Variants in FANCB observed in about 807,000 individuals in gnomAD.
FANCB encodes the protein Fanconi anemia group B protein.
FANCB carries 5 observed loss-of-function variants against 38.9 expected under a neutral mutation model. The observed-to-expected ratio is 0.13, with a 90% CI of 0.07 to 0.27. The LOEUF (loss-of-function observed/expected upper bound fraction) is 0.27. Among genes scored for constraint, FANCB ranks in the 10% least tolerant of loss-of-function variants. The pLI is 1.00. For synonymous variants in FANCB, 236 were observed against 215.4 expected, an observed-to-expected ratio of 1.10 and a Z score of -0.84; for missense variants, 573 against 602.7, an observed-to-expected ratio of 0.95 and a Z score of 0.52.
chrX:14,805,867 G>A, the FANCB span, among the ~76,000 whole-genome samples: 2 of 111,760 alleles, frequency 1.8e-5, no homozygotes, highest in Admixed American at 9.5e-5. Flanking sequence ...CAACATTCCT[G>A]TACTCACAAG....
chrX:14,869,289 T>C (rs1334917903), intron 1 of FANCB: 2 of 112,162 alleles, frequency 1.8e-5, no homozygotes, highest in African/African-American at 6.5e-5. Flanking sequence ...TAATGTTAAA[T>C]ATCACAACTA....
At chrX:14,731,380 C>T in the FANCB span, 1 of 111,809 alleles carries the variant, frequency 8.9e-6, no homozygotes, top group African/African-American at 3.3e-5. Context: ...AATCGCCCAA[C>T]TGTGACTAGT....
At chrX:14,730,529 CT>C in the FANCB span, 1 of 826,076 alleles carries the variant, frequency 1.2e-6, no homozygotes, top group Non-Finnish European at 1.7e-6. Context: ...CAGTGTTGTG[CT>C]TGTAAATACA....
the FANCB span, among the ~76,000 whole-genome samples, chrX:14,717,454 A>G: frequency 1.8e-5 from 2 of 111,180 alleles, no homozygotes; most frequent in Non-Finnish European, 3.8e-5. Context: ...TGAAATAATT[A>G]AACTACCTTA....
At chrX:14,835,336 C>T, downstream of FANCB, 1 of 460,025 alleles carries the variant, frequency 2.2e-6, no homozygotes, top group Non-Finnish European at 4.0e-6. Flanking sequence ...TGGCTACATG[C>T]ACTTAGGTGG....
chrX:14,852,148 A>G (rs1217335156), intron 6 of FANCB, among the ~76,000 whole-genome samples: 1 of 110,062 alleles, frequency 9.1e-6, no homozygotes, highest in African/African-American at 3.3e-5. Context: ...ATAAGTTACC[A>G]CATAAGAGAC....
intron 3 of FANCB, among the ~76,000 whole-genome samples, chrX:14,862,651 C>T (rs1033691765): frequency 8.9e-6 from 1 of 112,001 alleles, no homozygotes; most frequent in Non-Finnish European, 1.9e-5. Flanking sequence ...TTTTGTCTAA[C>T]AGTAATATAA....
chrX:14,704,553 T>A, the FANCB span, among the ~76,000 whole-genome samples: 1 of 112,281 alleles, frequency 8.9e-6, no homozygotes, highest in African/African-American at 3.2e-5. Flanking sequence ...TCTCTATCAC[T>A]GTTATTCTTG....
At chrX:14,765,088 T>A in the FANCB span, among the ~76,000 whole-genome samples, 1 of 112,193 alleles carries the variant, frequency 8.9e-6, no homozygotes, top group Non-Finnish European at 1.9e-5. Flanking sequence ...TCATTGTCTA[T>A]CTGAAATTCA....
the FANCB span, among the ~76,000 whole-genome samples, chrX:14,762,331 G>C: frequency 9.1e-6 from 1 of 110,198 alleles, no homozygotes; most frequent in Non-Finnish European, 1.9e-5. Flanking sequence ...ATTTTTTGTA[G>C]AGACAGGGTC....
chrX:14,750,979 T>C, the FANCB span, among the ~76,000 whole-genome samples: 1 of 110,626 alleles, frequency 9.0e-6, no homozygotes, highest in Non-Finnish European at 1.9e-5. Flanking sequence ...ATAATTTATT[T>C]AACCCTTCCA....
At chrX:14,864,230 T>C (rs936967934) in intron 3 of FANCB, among the ~76,000 whole-genome samples, 2 of 112,214 alleles carry the variant, frequency 1.8e-5, no homozygotes, top group African/African-American at 6.5e-5. Flanking sequence ...AATAATCTTA[T>C]TGTAAGTGAA....
downstream of FANCB, chrX:14,835,323 A>G (rs1401780577): frequency 8.9e-6 from 4 of 450,926 alleles, no homozygotes; most frequent in Non-Finnish European, 1.6e-5. Context: ...ATCTTCCATC[A>G]GGTGGCTACA....
chrX:14,848,951 A>C (rs1006196555), intron 7 of FANCB, among the ~76,000 whole-genome samples: 5 of 110,746 alleles, frequency 4.5e-5, no homozygotes, highest in African/African-American at 1.6e-4. Context: ...TGTGTGTGTT[A>C]TTTCTCAACC....
the FANCB span, among the ~76,000 whole-genome samples, chrX:14,793,268 T>C: frequency 5.3e-5 from 6 of 112,252 alleles, no homozygotes; most frequent in Non-Finnish European, 1.1e-4. Flanking sequence ...TGAATGAACA[T>C]TGAAAACATT....
At chrX:14,773,620 G>T in the FANCB span, among the ~76,000 whole-genome samples, 1 of 111,794 alleles carries the variant, frequency 8.9e-6, no homozygotes, top group African/African-American at 3.3e-5. Context: ...ATGGAGGAGG[G>T]GAGGAAAGGA....
At chrX:14,695,560 A>G in the FANCB span, among the ~76,000 whole-genome samples, 1 of 112,316 alleles carries the variant, frequency 8.9e-6, no homozygotes, top group Non-Finnish European at 1.9e-5. Flanking sequence ...AGATGGAGAT[A>G]CTGAAGCACA....
intron 5 of FANCB, among the ~76,000 whole-genome samples, chrX:14,854,352 C>T (rs1010336853): frequency 2.7e-5 from 3 of 111,763 alleles, no homozygotes; most frequent in African/African-American, 9.8e-5. Flanking sequence ...TTCCTTCCTC[C>T]TTAACATGCC....
chrX:14,762,046 G>A, the FANCB span, among the ~76,000 whole-genome samples: 1 of 111,358 alleles, frequency 9.0e-6, no homozygotes, highest in Non-Finnish European at 1.9e-5. Flanking sequence ...CAGTTCTAGA[G>A]GCTAAGAAGT....
Sources: allele counts gnomAD v4.1 joint callset (sites outside exome capture counted in the v4.1 genomes callset), GRCh38; gene constraint gnomAD v4.1.1; transcripts MANE v1.5; gene names NCBI Gene and HGNC (gene_info 2026-07-23, HGNC 2026-07-21).